Variants in MICU2 observed in about 807,000 individuals in gnomAD.
MICU2 encodes calcium uptake protein 2, mitochondrial.
MICU2 carries 64 observed loss-of-function variants against 60.4 expected under a neutral mutation model. The observed-to-expected ratio is 1.06, with a 90% CI of 0.87 to 1.31. The LOEUF is 1.31. Ranked by LOEUF, MICU2 falls within the 50% of genes most tolerant of loss-of-function variation. MICU2 has a pLI of 0.00. For missense variants in MICU2, 569 were observed against 531.0 expected (o/e 1.07, Z -0.70); for synonymous variants, 201 against 175.0 (o/e 1.15, Z -1.17).
At chr13:21,518,294 GA>G (rs1357973465) in intron 6 of MICU2, among the ~76,000 whole-genome samples, 2 of 152,330 alleles carry the variant, frequency 1.3e-5, no homozygotes, top group East Asian at 3.9e-4. Flanking sequence ...GTAGCTCTGT[GA>G]AAACAACAAC....
chr13:21,555,763 C>G (rs1344739960), intron 2 of MICU2, among the ~76,000 whole-genome samples: 1 of 152,086 alleles, frequency 6.6e-6, no homozygotes, highest in Non-Finnish European at 1.5e-5. Context: ...TCACTCTCAG[C>G]TGATAACCTG....
chr13:21,525,053 G>A (rs1886813955), intron 4 of MICU2, among the ~76,000 whole-genome samples: 1 of 151,950 alleles, frequency 6.6e-6, no homozygotes, highest in Non-Finnish European at 1.5e-5. Flanking sequence ...TCTACCATGT[G>A]GTTACTGTGA....
chr13:21,599,078 C>G (rs370500553), intron 1 of MICU2, among the ~76,000 whole-genome samples: 14 of 152,286 alleles, frequency 9.2e-5, no homozygotes, highest in African/African-American at 3.1e-4. Flanking sequence ...CTAACTAATG[C>G]CTGATGATCT....
intron 1 of MICU2, among the ~76,000 whole-genome samples, chr13:21,571,072 C>T (rs569789076): frequency 6.6e-6 from 1 of 152,034 alleles, no homozygotes; most frequent in Non-Finnish European, 1.5e-5. Context: ...TCCCAGTTTT[C>T]TCTTCCCTCT....
At chr13:21,519,142 C>G (rs1307844062) in intron 6 of MICU2, among the ~76,000 whole-genome samples, 1 of 152,174 alleles carries the variant, frequency 6.6e-6, no homozygotes, top group Non-Finnish European at 1.5e-5. Context: ...CTACAACCTC[C>G]GCTTCCTGGG....
intron 4 of MICU2, among the ~76,000 whole-genome samples, chr13:21,537,593 C>T (rs1049479887): frequency 7.2e-5 from 11 of 152,008 alleles, no homozygotes; most frequent in Middle Eastern, 3.4e-3. Context: ...CCTCAGCCTC[C>T]TGAGTAGCTG....
chr13:21,522,618 G>T lies in MICU2; in HGVS notation c.499C>A (p.Leu167Ile). 1 of 1,603,668 alleles carries T rather than the reference G, an allele frequency of 6.2e-7. No individual in the cohort carries two copies. The change falls in exon 5 of 12, where the codon CTT (leucine) becomes ATT (isoleucine). Residue 167 changes from leucine (L) to isoleucine (I), a missense_variant. Transcript: ENST00000382374. ...LISYTEYLFLLTILTKPHSGF... is the reference protein window; with the variant it reads ...LISYTEYLFLITILTKPHSGF... The stretch of plus-strand genomic sequence containing the variant: ...GGATACTTACTAGTGAGGATTGTAA[G>T]CAAGAAAAGATACTCGGTATATGAA...
intron 2 of MICU2, among the ~76,000 whole-genome samples, chr13:21,549,553 C>A (rs1226558194): frequency 2.6e-5 from 4 of 152,094 alleles, no homozygotes; most frequent in Non-Finnish European, 4.4e-5. Context: ...TCAGAGTAAT[C>A]AACTGGTTAA....
intron 2 of MICU2, among the ~76,000 whole-genome samples, chr13:21,544,943 C>T (rs946678945): frequency 1.3e-5 from 2 of 152,150 alleles, no homozygotes; most frequent in African/African-American, 4.8e-5. Flanking sequence ...TGAGCCACTG[C>T]ACCGGCCAGG....
chr13:21,505,217 C>G (rs1460894283), intron 8 of MICU2, among the ~76,000 whole-genome samples: 2 of 152,050 alleles, frequency 1.3e-5, no homozygotes, highest in African/African-American at 2.4e-5. Flanking sequence ...TGGTCACTAT[C>G]TTTAAGGCTA....
chr13:21,508,483 C>T (rs1245928591), intron 8 of MICU2, among the ~76,000 whole-genome samples: 1 of 152,170 alleles, frequency 6.6e-6, no homozygotes, highest in Admixed American at 6.5e-5. Context: ...AAAACCTATC[C>T]TTTACTCTGC....
chr13:21,560,063 T>C (rs748302874), intron 2 of MICU2, among the ~76,000 whole-genome samples: 5 of 152,242 alleles, frequency 3.3e-5, no homozygotes, highest in African/African-American at 4.8e-5. Context: ...ATTGTCTTTT[T>C]CTTATTGATT....
At chr13:21,565,376 G>C (rs1887954695) in intron 2 of MICU2, among the ~76,000 whole-genome samples, 1 of 152,062 alleles carries the variant, frequency 6.6e-6, no homozygotes, top group Non-Finnish European at 1.5e-5. Context: ...AAAAACACAA[G>C]GCTGGGCGCG....
chr13:21,601,834 TG>T (rs200562727), intron 1 of MICU2, among the ~76,000 whole-genome samples: 2,060 of 151,636 alleles, frequency 0.014, 30 homozygotes, highest in African/African-American at 0.042. Context: ...GGCCGGGCGC[TG>T]TGGCTCACGC....
rs768271395 is a variant in MICU2, at chr13:21,495,268, T to G, written c.1093A>C (p.Asn365His). ...ATCTTAAAGACAGTGTCCAAAATAT[T>G]GTTTGAGAGTTCTTGTCCTGTTGCT... Reference protein sequence around the residue: ...KVATGQELSNNILDTVFKIFD... With the variant: ...KVATGQELSNHILDTVFKIFD... Residue 365 changes from asparagine to histidine, a missense_variant, in exon 11 of 12, where the codon AAT becomes CAT. Coordinates refer to ENST00000382374, the MANE Select transcript of MICU2 (RefSeq NM_152726.3). 18 of 1,612,778 alleles carry G rather than the reference T, an allele frequency of 1.1e-5. No individual in the cohort carries two copies. Among genetic ancestry groups the G allele is most frequent in the African/African-American group, 6.7e-5 (5 of 74,922 alleles).
At chr13:21,521,902 C>G (rs1886726317) in intron 5 of MICU2, among the ~76,000 whole-genome samples, 1 of 152,150 alleles carries the variant, frequency 6.6e-6, no homozygotes, top group African/African-American at 2.4e-5. Context: ...TCAGCCTCGA[C>G]AAGTAGTTGC....
intron 9 of MICU2, 96 bp from the exon 10 acceptor site, chr13:21,496,256 TATC>T: frequency 1.1e-6 from 1 of 873,450 alleles, no homozygotes; most frequent in Non-Finnish European, 1.8e-6. Context: ...TAGAGACTAG[TATC>T]ATTCTAAGAG....
intron 4 of MICU2, among the ~76,000 whole-genome samples, chr13:21,524,446 TACC>T (rs1428490689): frequency 6.6e-6 from 1 of 152,170 alleles, no homozygotes; most frequent in Non-Finnish European, 1.5e-5. Context: ...GCCAGATAGT[TACC>T]ACACCTAAAA....
chr13:21,513,138 T>G (rs992523524), intron 7 of MICU2, among the ~76,000 whole-genome samples: 9 of 152,198 alleles, frequency 5.9e-5, no homozygotes, highest in Non-Finnish European at 1.0e-4. Flanking sequence ...TTGTGATTTT[T>G]TTTTTGCAGA....
Sources: gnomAD v4.1 joint callset for allele counts (sites outside exome capture counted in the v4.1 genomes callset) on GRCh38, gnomAD v4.1.1 for gene constraint, MANE v1.5 for transcripts, NCBI Gene and HGNC (gene_info 2026-07-23, HGNC 2026-07-21) for gene names.